The following GABRG3 variants were observed in gnomAD, a reference collection of about 807,000 sequenced individuals.
GABRG3 encodes gamma-aminobutyric acid type A receptor subunit gamma3.
A neutral mutation model predicts 48.8 loss-of-function variants in GABRG3; 25 were observed. The observed-to-expected ratio is 0.51, with a 90% CI of 0.37 to 0.72. The LOEUF (loss-of-function observed/expected upper bound fraction) is 0.72, where lower values mean the gene tolerates loss of function less well. Ranked by LOEUF, GABRG3 falls within the 30% of genes least tolerant of loss-of-function variation. GABRG3 has a pLI of 0.00. For synonymous variants in GABRG3, 227 were observed against 217.6 expected, an observed-to-expected ratio of 1.04 and a Z score of -0.38; for missense variants, 394 against 577.9, an observed-to-expected ratio of 0.68 and a Z score of 3.26.
At chr15:27,490,444 C>T (rs1890321358) in intron 6 of GABRG3, among the ~76,000 whole-genome samples, 1 of 152,184 alleles carries the variant, frequency 6.6e-6, no homozygotes, top group African/African-American at 2.4e-5. Context: ...TCCAGCTCAC[C>T]TGAAGACTCT....
At position 27,339,628 on chromosome 15, in the gene GABRG3, C is replaced by T. The variant is rs577771252; in HGVS notation, c.574+10740C>T. Among the ~76,000 whole-genome samples, 4 of 152,310 alleles carry T rather than the reference C, an allele frequency of 2.6e-5. No homozygotes were observed. In the East Asian group the frequency reaches 7.7e-4, roughly 29 times the overall value. On this transcript the variant is annotated intron_variant, in intron 5 of 9. Coordinates refer to ENST00000615808, the MANE Select transcript of GABRG3 (RefSeq NM_033223.5). ...TGAAGTAACAGGGCTTCAGTATCGTCCCCCAATAACTGACCTCCTTACTTT... is the reference window on the plus strand; with the variant it reads ...TGAAGTAACAGGGCTTCAGTATCGTTCCCCAATAACTGACCTCCTTACTTT...
chr15:27,161,600 T>A (rs1474857787), intron 3 of GABRG3, among the ~76,000 whole-genome samples: 1 of 152,248 alleles, frequency 6.6e-6, no homozygotes, highest in Non-Finnish European at 1.5e-5. Flanking sequence ...TTTGCTTATT[T>A]AAAAGTCATA....
At chr15:27,503,911 T>C (rs1299461528) in intron 6 of GABRG3, among the ~76,000 whole-genome samples, 1 of 152,230 alleles carries the variant, frequency 6.6e-6, no homozygotes, top group African/African-American at 2.4e-5. Flanking sequence ...TGACCCTTTT[T>C]CATTAGGAAA....
At chr15:27,272,330 GTCA>G (rs1474981918) in intron 3 of GABRG3, among the ~76,000 whole-genome samples, 3 of 152,238 alleles carry the variant, frequency 2.0e-5, no homozygotes, top group Non-Finnish European at 4.4e-5. Context: ...CAAAGACTCA[GTCA>G]TCACTGGGCC....
intron 3 of GABRG3, among the ~76,000 whole-genome samples, chr15:27,271,261 G>A (rs1305606613): frequency 5.3e-5 from 8 of 152,160 alleles, no homozygotes; most frequent in African/African-American, 2.4e-5. Flanking sequence ...GGCTTGTCCC[G>A]ACATCCTGAC....
intron 5 of GABRG3, among the ~76,000 whole-genome samples, chr15:27,401,348 A>G (rs1374471290): frequency 6.6e-6 from 1 of 152,182 alleles, no homozygotes; most frequent in Non-Finnish European, 1.5e-5. Flanking sequence ...CCAGGGTTCT[A>G]TTGGCATTAT....
intron 6 of GABRG3, among the ~76,000 whole-genome samples, chr15:27,509,789 C>A (rs1890854116): frequency 6.6e-6 from 1 of 152,312 alleles, no homozygotes; most frequent in Non-Finnish European, 1.5e-5. Flanking sequence ...GCCTATTTCT[C>A]CATTAGAGCC....
At chr15:27,464,453 G>A (rs1366243365) in intron 5 of GABRG3, among the ~76,000 whole-genome samples, 4 of 152,142 alleles carry the variant, frequency 2.6e-5, no homozygotes, top group African/African-American at 4.8e-5. Flanking sequence ...AAACTTTCAT[G>A]TACAAGTTTT....
intron 5 of GABRG3, among the ~76,000 whole-genome samples, chr15:27,343,211 G>A (rs1254201156): frequency 1.3e-5 from 2 of 152,150 alleles, no homozygotes; most frequent in Admixed American, 6.5e-5. Flanking sequence ...CCTCCCCCAC[G>A]TGGCAGCTCT....
At chr15:27,393,337 C>T (rs1230774998) in intron 5 of GABRG3, among the ~76,000 whole-genome samples, 3 of 125,070 alleles carry the variant, frequency 2.4e-5, no homozygotes, top group Admixed American at 1.8e-4. Context: ...GAGCGAGACT[C>T]CGTCTCCAAA....
At chr15:27,494,192 CTT>C (rs1292739967) in intron 6 of GABRG3, among the ~76,000 whole-genome samples, 2 of 151,688 alleles carry the variant, frequency 1.3e-5, no homozygotes. Flanking sequence ...TATAACTACT[CTT>C]ATAAATATTA....
intron 6 of GABRG3, among the ~76,000 whole-genome samples, chr15:27,494,897 T>C (rs1716787255): frequency 6.6e-6 from 1 of 152,146 alleles, no homozygotes; most frequent in Non-Finnish European, 1.5e-5. Context: ...GTTCTTGTTT[T>C]TCTGGTTTCT....
Position 26,976,484 on chromosome 15 carries a change from C to T in GABRG3, c.54-518C>T, listed in dbSNP as rs918445100. ...CCCTCACAATGCTCAAGTGCCTAGA[C>T]CCCCAGATTCCCGCCTCCAAGAGAA... On this transcript the variant is annotated intron_variant, in intron 1 of 9. Transcript: ENST00000615808. The surrounding 1 kb of genome is among the most constrained non-coding windows in gnomAD (Gnocchi z 7.8). Among the ~76,000 whole-genome samples, 17 of 152,152 alleles carry T rather than the reference C, an allele frequency of 1.1e-4. No homozygotes were observed. The highest frequency in any genetic ancestry group is 4.1e-4 in the African/African-American group (17 of 41,418).
chr15:27,039,615 GC>G (rs1896240088), intron 3 of GABRG3, among the ~76,000 whole-genome samples: 1 of 152,170 alleles, frequency 6.6e-6, no homozygotes, highest in African/African-American at 2.4e-5. Flanking sequence ...TGATTCTTCA[GC>G]CCCCAAATCC....
At chr15:27,168,148 A>C (rs774901141) in intron 3 of GABRG3, among the ~76,000 whole-genome samples, 2 of 151,942 alleles carry the variant, frequency 1.3e-5, no homozygotes, top group Non-Finnish European at 2.9e-5. Context: ...AAAAAAAAAA[A>C]AGGGAAAACA....
chr15:27,405,686 G>A (rs1340996226), intron 5 of GABRG3, among the ~76,000 whole-genome samples: 1 of 145,434 alleles, frequency 6.9e-6, no homozygotes, highest in Non-Finnish European at 1.5e-5. Context: ...ATAAATAATG[G>A]TTGATTTTTT....
At chr15:27,384,385 G>A (rs894934220) in intron 5 of GABRG3, among the ~76,000 whole-genome samples, 6 of 152,174 alleles carry the variant, frequency 3.9e-5, no homozygotes, top group Non-Finnish European at 8.8e-5. Flanking sequence ...AATGATTCCA[G>A]TCATCCTATC....
At chr15:27,479,473 A>G (rs528503571) in intron 5 of GABRG3, among the ~76,000 whole-genome samples, 9 of 152,232 alleles carry the variant, frequency 5.9e-5, no homozygotes, top group Non-Finnish European at 1.2e-4. Flanking sequence ...TAGTCTTTCA[A>G]TGGTGGAGCC....
intron 3 of GABRG3, among the ~76,000 whole-genome samples, chr15:27,279,649 G>A (rs373569047): frequency 2.6e-5 from 4 of 152,196 alleles, no homozygotes; most frequent in African/African-American, 9.6e-5. Context: ...AGTACCACAC[G>A]GTCTTGATTA....
Sources: allele counts gnomAD v4.1 joint callset (sites outside exome capture counted in the v4.1 genomes callset), GRCh38; gene constraint gnomAD v4.1.1; non-coding constraint Gnocchi (gnomAD v3.1); transcripts MANE v1.5; gene names NCBI Gene and HGNC (gene_info 2026-07-23, HGNC 2026-07-21).